Variants in MAF observed in about 807,000 individuals in gnomAD.
The protein encoded by MAF is transcription factor Maf.
MAF carries 10 observed loss-of-function variants against 22.0 expected under a neutral mutation model. That is an observed-to-expected ratio of 0.45 (90% CI 0.28 to 0.77). The LOEUF is 0.77. Among genes scored for constraint, MAF ranks in the 30% least tolerant of loss-of-function variants. The pLI, the probability that MAF is intolerant of heterozygous loss-of-function variation, is 0.12. For missense variants in MAF, 544 were observed against 548.4 expected (o/e 0.99, Z 0.08); for synonymous variants, 337 against 255.8 (o/e 1.32, Z -3.03).
At chr16:79,399,958 C>T in the MAF span, among the ~76,000 whole-genome samples, 9 of 152,148 alleles carry the variant, frequency 5.9e-5, no homozygotes, top group Non-Finnish European at 1.2e-4. Context: ...TAAACTTAAC[C>T]CTGGCAAAGA....
At chr16:79,228,798 G>T in the MAF span, among the ~76,000 whole-genome samples, 6 of 152,076 alleles carry the variant, frequency 3.9e-5, no homozygotes, top group East Asian at 1.2e-3. Context: ...GGTTAGGGCA[G>T]GGGGAGGTCC....
chr16:79,545,074 C>A, the MAF span, among the ~76,000 whole-genome samples: 1 of 152,086 alleles, frequency 6.6e-6, no homozygotes, highest in South Asian at 2.1e-4. Flanking sequence ...AGACACTCAG[C>A]ATGCATTTCT....
At chr16:79,411,090 T>C in the MAF span, among the ~76,000 whole-genome samples, 196 of 152,320 alleles carry the variant, frequency 1.3e-3, no homozygotes, top group African/African-American at 4.3e-3. Context: ...CTTGCCTTTA[T>C]TCACCAACTC....
the MAF span, among the ~76,000 whole-genome samples, chr16:79,279,847 G>C: frequency 5.3e-5 from 8 of 152,222 alleles, no homozygotes; most frequent in South Asian, 6.2e-4. Flanking sequence ...CTTTGGCAGA[G>C]CACTAGATGA....
At chr16:79,428,918 A>G in the MAF span, among the ~76,000 whole-genome samples, 2 of 152,002 alleles carry the variant, frequency 1.3e-5, no homozygotes, top group Admixed American at 1.3e-4. Flanking sequence ...CCAGAGGCCA[A>G]TGGCATAGCT....
At chr16:79,313,048 G>A in the MAF span, among the ~76,000 whole-genome samples, 3 of 152,142 alleles carry the variant, frequency 2.0e-5, no homozygotes, top group African/African-American at 7.2e-5. Flanking sequence ...CAAATAGAGT[G>A]AAGCAACCTA....
At chr16:79,311,079 C>T in the MAF span, among the ~76,000 whole-genome samples, 1 of 151,776 alleles carries the variant, frequency 6.6e-6, no homozygotes, top group Non-Finnish European at 1.5e-5. Context: ...CAGCACTGGC[C>T]TCCCCTCTGT....
At chr16:79,396,935 G>A in the MAF span, among the ~76,000 whole-genome samples, 2 of 152,240 alleles carry the variant, frequency 1.3e-5, no homozygotes, top group African/African-American at 2.4e-5. Flanking sequence ...CAGTGGCCAG[G>A]AGCCTGGGCA....
the MAF span, among the ~76,000 whole-genome samples, chr16:79,550,493 T>A: frequency 6.6e-6 from 1 of 152,106 alleles, no homozygotes; most frequent in Admixed American, 6.5e-5. Flanking sequence ...AAACCTCACA[T>A]TGAAACAGCT....
At chr16:79,410,150 A>T in the MAF span, among the ~76,000 whole-genome samples, 2 of 152,206 alleles carry the variant, frequency 1.3e-5, no homozygotes, top group Non-Finnish European at 2.9e-5. Context: ...TAAGGCAAAC[A>T]TCGAGCTGTA....
At chr16:79,210,593 G>A in the MAF span, among the ~76,000 whole-genome samples, 2 of 152,154 alleles carry the variant, frequency 1.3e-5, no homozygotes, top group East Asian at 1.9e-4. Context: ...CTGAAAATTA[G>A]TGGATGCAGC....
At chr16:79,233,433 C>T in the MAF span, among the ~76,000 whole-genome samples, 1 of 151,974 alleles carries the variant, frequency 6.6e-6, no homozygotes, top group Non-Finnish European at 1.5e-5. Context: ...CCTAGAGGTT[C>T]CATTGTGGAG....
chr16:79,553,167 G>C, the MAF span, among the ~76,000 whole-genome samples: 3 of 152,246 alleles, frequency 2.0e-5, no homozygotes, highest in Non-Finnish European at 2.9e-5. Flanking sequence ...AAAAATGCCA[G>C]CTGTCATGCT....
chr16:79,211,787 G>T, the MAF span: 1 of 1,614,118 alleles, frequency 6.2e-7, no homozygotes, highest in Non-Finnish European at 8.5e-7. Context: ...TTGGCAGCCA[G>T]TCCGGCTAAG....
chr16:79,251,813 G>C, the MAF span, among the ~76,000 whole-genome samples: 123 of 152,298 alleles, frequency 8.1e-4, 1 homozygote, highest in South Asian at 2.3e-3. Context: ...TCTCCGATTT[G>C]CCTGGGTTTA....
At chr16:79,433,530 T>C in the MAF span, among the ~76,000 whole-genome samples, 1 of 151,930 alleles carries the variant, frequency 6.6e-6, no homozygotes, top group African/African-American at 2.4e-5. Context: ...AAGTGATGCT[T>C]TTCTAGCAGG....
At chr16:79,307,324 A>G in the MAF span, among the ~76,000 whole-genome samples, 1 of 152,184 alleles carries the variant, frequency 6.6e-6, no homozygotes, top group Non-Finnish European at 1.5e-5. Flanking sequence ...AATGGAAGGA[A>G]GGGCTTTGAG....
At chr16:79,210,065 G>C in the MAF span, among the ~76,000 whole-genome samples, 2 of 152,186 alleles carry the variant, frequency 1.3e-5, no homozygotes, top group East Asian at 1.9e-4. Context: ...TTCAGGACCA[G>C]TGGAACTTGT....
chr16:79,207,579 T>C, the MAF span, among the ~76,000 whole-genome samples: 1 of 152,266 alleles, frequency 6.6e-6, no homozygotes, highest in African/African-American at 2.4e-5. Flanking sequence ...CTCACAATCA[T>C]TGAATATATA....
Sources: allele counts gnomAD v4.1 joint callset (sites outside exome capture counted in the v4.1 genomes callset), GRCh38; gene constraint gnomAD v4.1.1; transcripts MANE v1.5; gene names NCBI Gene and HGNC (gene_info 2026-07-23, HGNC 2026-07-21).